The following SCN2A variants were observed in gnomAD, a reference collection of about 807,000 sequenced individuals.
SCN2A encodes sodium voltage-gated channel alpha subunit 2.
SCN2A carries 20 observed loss-of-function variants against 188.7 expected under a neutral mutation model. That is an observed-to-expected ratio of 0.11 (90% CI 0.07 to 0.15). The LOEUF (loss-of-function observed/expected upper bound fraction) is 0.15, where lower values mean the gene tolerates loss of function less well. Among genes scored for constraint, SCN2A ranks in the 10% least tolerant of loss-of-function variants. SCN2A has a pLI of 1.00. For synonymous variants in SCN2A, 804 were observed against 833.1 expected (o/e 0.97, Z 0.60); for missense variants, 1,278 against 2,445.0 (o/e 0.52, Z 10.07).
At chr2:165,381,322 A>T (rs1452654649) in intron 25 of SCN2A, 125 bp downstream of exon 25, 9 of 659,660 alleles carry the variant, frequency 1.4e-5, no homozygotes, top group African/African-American at 1.1e-4. Context: ...TAACAATGGG[A>T]CTAGCTAGCC....
intron 1 of SCN2A, among the ~76,000 whole-genome samples, chr2:165,244,843 G>A (rs2106055932): frequency 6.6e-6 from 1 of 152,148 alleles, no homozygotes. Context: ...TTAGCAAATA[G>A]GTATACAATT....
intron 10 of SCN2A, among the ~76,000 whole-genome samples, chr2:165,314,941 T>TAAACACTC (rs1240988943): frequency 1.3e-5 from 2 of 152,188 alleles, no homozygotes; most frequent in Non-Finnish European, 2.9e-5. Flanking sequence ...GATTCTCAAA[T>TAAACACTC]AAACACTCTG....
chr2:165,331,654 T>A, intron 14 of SCN2A, 86 bp downstream of exon 14: 1 of 1,050,894 alleles, frequency 9.5e-7, no homozygotes, highest in Non-Finnish European at 1.5e-6. Flanking sequence ...AAATTAAATA[T>A]CAACTAATTG....
rs79938515 is a variant in SCN2A at position 165,369,719 on chromosome 2, A to G, written c.3676-407A>G. On this transcript the variant is annotated intron_variant, in intron 19 of 26. Transcript: ENST00000375437. The stretch of plus-strand genomic sequence containing the variant: ...GAGAGAGACAAGAAAGTGAGCAATG[A>G]CAATCCTTTCCTTTTTCTGTAGGCT... 3.9e-3 allele frequency among the ~76,000 whole-genome samples: 588 copies of G among 152,182 alleles called. 6 individuals are homozygous for G. In the East Asian group the frequency reaches 0.049, roughly 13 times the overall value.
chr2:165,386,089 T>C (rs891315344), intron 25 of SCN2A, among the ~76,000 whole-genome samples: 1 of 152,140 alleles, frequency 6.6e-6, no homozygotes, highest in African/African-American at 2.4e-5. Flanking sequence ...TAAAATACAC[T>C]ACTTTCTTTA....
rs1559340877 is a variant in SCN2A, at chr2:165,291,601, T to TCTCTCTCTC, written c.-51-4172_-51-4171insCTCTCTCTC. ...TCTCTCTCTCTCTCTCTCTCTCTCT[T>TCTCTCTCTC]TCTTTCTTTGTCTTGCTCTATCTCC... On this transcript the variant is annotated intron_variant, in intron 1 of 26. Transcript: ENST00000375437. Among the ~76,000 whole-genome samples the TCTCTCTCTC allele has an allele frequency of 2.0e-4, 17 of 86,718 alleles. No homozygotes were observed. In the South Asian group the frequency reaches 3.4e-3, roughly 17 times the overall value. The allele number at this position is 86,718 out of a possible 152,430, so 56.9% of individuals were successfully genotyped here.
At chr2:165,375,059 G>C (rs962116636) in intron 22 of SCN2A, 93 bp downstream of exon 22, 1 of 1,087,638 alleles carries the variant, frequency 9.2e-7, no homozygotes, top group Non-Finnish European at 1.4e-6. Flanking sequence ...TGTTAGAATG[G>C]CTATTATCAA....
At chr2:165,294,264 A>G (rs1209302861) in intron 1 of SCN2A, 1 of 285,402 alleles carries the variant, frequency 3.5e-6, no homozygotes, top group East Asian at 1.8e-4. Context: ...ATGTTTTAGC[A>G]TGTCTCTTCT....
At chr2:165,327,082 T>A (rs1698397546) in intron 13 of SCN2A, 98 bp downstream of exon 13, 2 of 1,393,048 alleles carry the variant, frequency 1.4e-6, no homozygotes, top group Non-Finnish European at 2.0e-6. Flanking sequence ...CTTGATATTG[T>A]ATCATTATTA....
intron 3 of SCN2A, among the ~76,000 whole-genome samples, chr2:165,302,125 TATC>T (rs1195164821): frequency 1.3e-5 from 2 of 152,210 alleles, no homozygotes; most frequent in African/African-American, 4.8e-5. Context: ...AGATATAAAA[TATC>T]ATGGTTTTCC....
intron 16 of SCN2A, among the ~76,000 whole-genome samples, chr2:165,351,154 C>T (rs1437610319): frequency 6.6e-6 from 1 of 152,112 alleles, no homozygotes; most frequent in Non-Finnish European, 1.5e-5. Context: ...TTACCTAGCA[C>T]TCGAATTCTA....
In SCN2A at chr2:165,387,021, G is replaced by A. The variant is rs779081312; in HGVS notation, c.4822+5G>A. ...TGGTCATTCTCTCCATTGTAGGTAA[G>A]AAGAGGTGCTTTTATTCAGTTAAGG... On this transcript the variant is annotated splice_donor_5th_base_variant and intron_variant, in intron 26 of 26. Coordinates refer to ENST00000375437, the MANE Select transcript of SCN2A (RefSeq NM_001040142.2). 3 of 1,613,104 alleles carry A rather than the reference G, an allele frequency of 1.9e-6. No homozygotes were observed. Among genetic ancestry groups the A allele is most frequent in the Admixed American group, 1.7e-5 (1 of 59,960 alleles).
At chr2:165,278,164 A>T (rs1250152766) in intron 1 of SCN2A, among the ~76,000 whole-genome samples, 5 of 152,222 alleles carry the variant, frequency 3.3e-5, no homozygotes, top group African/African-American at 1.2e-4. Flanking sequence ...CCTGAAGTGG[A>T]AACACAGAGA....
Position 165,391,438 on chromosome 2 carries a change from T to A in SCN2A, c.*1614T>A, listed in dbSNP as rs999954322. The A allele has an allele frequency of 2.6e-5, 4 of 152,552 alleles. No individual in the cohort carries two copies. Among genetic ancestry groups the A allele is most frequent in the East Asian group, 1.9e-4 (1 of 5,196 alleles). The allele number at this position is 152,552 out of a possible 1,614,324, so 9.4% of individuals were successfully genotyped here. A position where few individuals can be genotyped will look rare whatever the true frequency, so the allele number is the denominator to read the frequency against. On this transcript the variant is annotated 3_prime_UTR_variant, in exon 27 of 27. Coordinates refer to ENST00000375437, the MANE Select transcript of SCN2A (RefSeq NM_001040142.2). ...TACGTAAAATGAGAAATTAAAAGTA[T>A]CTTCAGGTGGATGTCACAGTCACTA...
At chr2:165,311,349 A>G (rs968698909) in intron 7 of SCN2A, among the ~76,000 whole-genome samples, 6 of 152,090 alleles carry the variant, frequency 3.9e-5, no homozygotes, top group Non-Finnish European at 8.8e-5. Flanking sequence ...TTTGCAACTT[A>G]CTGAAGTTAT....
chr2:165,356,647 G>A (rs1418897554), intron 17 of SCN2A, among the ~76,000 whole-genome samples: 1 of 152,134 alleles, frequency 6.6e-6, no homozygotes, highest in East Asian at 1.9e-4. Flanking sequence ...GAAGCCATTG[G>A]CTAGTTTAAT....
rs1559340877 is a variant in SCN2A at position 165,291,601 on chromosome 2, T to TCTCTCTCTCTCTC, written c.-51-4172_-51-4171insCTCTCTCTCTCTC. 1.6e-4 allele frequency among the ~76,000 whole-genome samples: 14 copies of TCTCTCTCTCTCTC among 86,720 alleles called. 1 individual carries two copies. Among genetic ancestry groups the TCTCTCTCTCTCTC allele is most frequent in the South Asian group, 1.1e-3 (3 of 2,652 alleles). 56.9% of individuals were successfully genotyped at this position (86,720 alleles called of 152,430 possible). A position where few individuals can be genotyped will look rare whatever the true frequency, so the allele number is the denominator to read the frequency against. On this transcript the variant is annotated intron_variant, in intron 1 of 26. Coordinates refer to ENST00000375437, the MANE Select transcript of SCN2A (RefSeq NM_001040142.2). The stretch of plus-strand genomic sequence containing the variant: ...TCTCTCTCTCTCTCTCTCTCTCTCT[T>TCTCTCTCTCTCTC]TCTTTCTTTGTCTTGCTCTATCTCC...
intron 25 of SCN2A, among the ~76,000 whole-genome samples, chr2:165,384,996 G>A (rs1293071100): frequency 6.6e-6 from 1 of 152,128 alleles, no homozygotes; most frequent in Non-Finnish European, 1.5e-5. Context: ...TGAACTAAAA[G>A]TAGACACATT....
At chr2:165,338,638 C>CA (rs888376960) in intron 14 of SCN2A, among the ~76,000 whole-genome samples, 2 of 151,640 alleles carry the variant, frequency 1.3e-5, no homozygotes, top group Admixed American at 6.6e-5. Flanking sequence ...AACACAGAAG[C>CA]AAAAAATCAT....
Sources: allele counts gnomAD v4.1 joint callset (sites outside exome capture counted in the v4.1 genomes callset), GRCh38; gene constraint gnomAD v4.1.1; transcripts MANE v1.5; gene names NCBI Gene and HGNC (gene_info 2026-07-23, HGNC 2026-07-21).